Variants in TENM1 observed in about 807,000 individuals in gnomAD.
TENM1 encodes teneurin-1.
Under a neutral mutation model 174.8 loss-of-function variants are expected in TENM1, and 35 were observed. That is an observed-to-expected ratio of 0.20 (90% CI 0.15 to 0.27). The LOEUF is 0.27. Ranked by LOEUF, TENM1 falls within the 10% of genes least tolerant of loss-of-function variation. The pLI, the probability that TENM1 is intolerant of heterozygous loss-of-function variation, is 1.00. For synonymous variants in TENM1, 781 were observed against 798.7 expected, an observed-to-expected ratio of 0.98 and a Z score of 0.37; for missense variants, 1,633 against 2,130.1, an observed-to-expected ratio of 0.77 and a Z score of 4.59.
At chrX:125,110,248 T>C in the TENM1 span, among the ~76,000 whole-genome samples, 1 of 111,384 alleles carries the variant, frequency 9.0e-6, no homozygotes, top group African/African-American at 3.3e-5. Context: ...AGGTCATAAA[T>C]GTATGAGCTA....
chrX:124,783,761 G>C (rs1462801953), intron 3 of TENM1, among the ~76,000 whole-genome samples: 1 of 111,688 alleles, frequency 9.0e-6, no homozygotes, highest in East Asian at 2.8e-4. Flanking sequence ...AAACAATGAG[G>C]CAGCACAGGG....
In TENM1 at chrX:124,773,219, A is replaced by AC. The variant is rs1569438184; in HGVS notation, c.536-36023dup. Among the ~76,000 whole-genome samples, 57 of 111,317 alleles carry AC rather than the reference A, an allele frequency of 5.1e-4. 2 individuals are homozygous for AC. Among genetic ancestry groups the AC allele is most frequent in the Admixed American group, 4.6e-3 (48 of 10,404 alleles). On this transcript the variant is annotated intron_variant, in intron 3 of 31. Coordinates refer to ENST00000422452, the Ensembl canonical transcript of TENM1. The stretch of plus-strand genomic sequence containing the variant: ...GACCTCTTCTAGTTGCCTTGGAAGC[A>AC]CTGCAGTTTTCTCTGAAACCAGATG...
chrX:124,898,628 T>A (rs1392490027), intron 1 of TENM1, among the ~76,000 whole-genome samples: 1 of 110,516 alleles, frequency 9.0e-6, no homozygotes, highest in South Asian at 3.9e-4. Flanking sequence ...TAAAAATAAA[T>A]GTAGGTCCAA....
chrX:124,967,058 C>T (rs1192161541), upstream of TENM1, among the ~76,000 whole-genome samples: 1 of 111,824 alleles, frequency 8.9e-6, no homozygotes, highest in Non-Finnish European at 1.9e-5. Flanking sequence ...GGCTTGTATA[C>T]ACAAAAGACA....
chrX:124,607,376 G>T (rs759657026), intron 11 of TENM1, among the ~76,000 whole-genome samples: 1 of 111,073 alleles, frequency 9.0e-6, no homozygotes, highest in East Asian at 2.8e-4. Context: ...ATCAGGGAAA[G>T]CCTCTCTAAT....
chrX:124,579,614 T>A (rs1250175067), intron 11 of TENM1, among the ~76,000 whole-genome samples: 3 of 112,130 alleles, frequency 2.7e-5, no homozygotes, highest in African/African-American at 9.7e-5. Context: ...CCATCTTTTA[T>A]TGTAGTTTTT....
At chrX:124,511,958 C>T (rs1263873759) in intron 18 of TENM1, among the ~76,000 whole-genome samples, 1 of 111,818 alleles carries the variant, frequency 8.9e-6, no homozygotes, top group Non-Finnish European at 1.9e-5. Flanking sequence ...TGCCAAACTA[C>T]TATACTAAAT....
intron 19 of TENM1, 62 bp from the exon 23 acceptor site, chrX:124,497,327 C>A: frequency 9.1e-7 from 1 of 1,099,831 alleles, no homozygotes; most frequent in Non-Finnish European, 1.2e-6. Context: ...ATAATCTCAG[C>A]AATATTTTAA....
the TENM1 span, among the ~76,000 whole-genome samples, chrX:125,202,508 A>C: frequency 8.9e-6 from 1 of 111,919 alleles, no homozygotes; most frequent in Non-Finnish European, 1.9e-5. Flanking sequence ...ACAACGGTTA[A>C]GTTCAGGACG....
intron 3 of TENM1, among the ~76,000 whole-genome samples, chrX:124,845,629 C>T (rs892415118): frequency 2.0e-4 from 22 of 111,357 alleles, no homozygotes; most frequent in African/African-American, 6.9e-4. Flanking sequence ...ACGTACATTG[C>T]CTTGAATGCC....
intron 23 of TENM1, among the ~76,000 whole-genome samples, chrX:124,424,602 C>G (rs1358598279): frequency 9.0e-6 from 1 of 111,521 alleles, no homozygotes; most frequent in African/African-American, 3.3e-5. Context: ...GCTTATTTCA[C>G]TTAACGTAGT....
At chrX:125,172,249 G>A in the TENM1 span, among the ~76,000 whole-genome samples, 2 of 111,096 alleles carry the variant, frequency 1.8e-5, no homozygotes, top group African/African-American at 6.5e-5. Context: ...TGGAAAGAGA[G>A]GTGGCCTAAG....
intron 1 of TENM1, among the ~76,000 whole-genome samples, chrX:124,944,608 G>A (rs1264015863): frequency 9.1e-6 from 1 of 109,730 alleles, no homozygotes; most frequent in African/African-American, 3.3e-5. Context: ...TTGTTGGTTT[G>A]CTTTACTTAA....
chrX:125,149,114 C>CAA, the TENM1 span, among the ~76,000 whole-genome samples: 1 of 106,517 alleles, frequency 9.4e-6, no homozygotes, highest in African/African-American at 3.4e-5. Flanking sequence ...TGTCCCAATG[C>CAA]CACTGATGCT....
intron 3 of TENM1, among the ~76,000 whole-genome samples, chrX:124,767,955 T>C (rs929840635): frequency 3.6e-5 from 4 of 111,599 alleles, no homozygotes; most frequent in African/African-American, 6.5e-5. Context: ...TATATTCCTA[T>C]AGGGTTTTCT....
chrX:124,504,736 T>A (rs767527386), intron 18 of TENM1, among the ~76,000 whole-genome samples: 1 of 111,650 alleles, frequency 9.0e-6, no homozygotes, highest in East Asian at 2.8e-4. Flanking sequence ...GCTCAGTCCT[T>A]CCTTTGTCAT....
chrX:125,158,867 A>T, the TENM1 span, among the ~76,000 whole-genome samples: 1 of 111,526 alleles, frequency 9.0e-6, no homozygotes, highest in African/African-American at 3.3e-5. Context: ...TACCTGAAAA[A>T]CATCCAACAT....
At chrX:125,136,403 A>G in the TENM1 span, among the ~76,000 whole-genome samples, 1 of 111,840 alleles carries the variant, frequency 8.9e-6, no homozygotes, top group Admixed American at 9.5e-5. Context: ...CACTTGCATC[A>G]TCTCCTTTAA....
chrX:125,005,189 TACACAC>T, the TENM1 span, among the ~76,000 whole-genome samples: 3,574 of 88,680 alleles, frequency 0.04, 73 homozygotes, highest in East Asian at 0.094. Context: ...GATGTATACA[TACACAC>T]ACACACACAC....
Sources: gnomAD v4.1 joint callset for allele counts (sites outside exome capture counted in the v4.1 genomes callset) on GRCh38, gnomAD v4.1.1 for gene constraint, MANE v1.5 for transcripts, NCBI Gene and HGNC (gene_info 2026-07-23, HGNC 2026-07-21) for gene names.